PTPN4: variants seen among roughly 807,000 people sequenced by gnomAD.
PTPN4 encodes the protein tyrosine-protein phosphatase non-receptor type 4.
In PTPN4, 49 loss-of-function variants were observed where a neutral mutation model predicts 135.5. The ratio of observed to expected loss-of-function variants is 0.36; its 90% confidence interval spans 0.29 to 0.46. The LOEUF is 0.46. PTPN4 is among the 20% of genes least tolerant of loss of function. The pLI is 1.00. For missense variants in PTPN4, 860 were observed against 1,101.0 expected (o/e 0.78, Z 3.10); for synonymous variants, 333 against 369.9 (o/e 0.90, Z 1.14).
chr2:119,847,546 C>T (rs895676193), intron 2 of PTPN4, among the ~76,000 whole-genome samples: 4 of 151,882 alleles, frequency 2.6e-5, no homozygotes, highest in South Asian at 4.2e-4. Flanking sequence ...AGGCTGGTCT[C>T]GAACTCCTGA....
At chr2:119,796,024 G>A (rs1326902570) in intron 1 of PTPN4, among the ~76,000 whole-genome samples, 1 of 152,214 alleles carries the variant, frequency 6.6e-6, no homozygotes, top group Non-Finnish European at 1.5e-5. Context: ...GCGGGCCCCT[G>A]AGATGCAGTG....
intron 1 of PTPN4, among the ~76,000 whole-genome samples, chr2:119,803,292 G>C (rs887872983): frequency 1.3e-5 from 2 of 152,044 alleles, no homozygotes; most frequent in Non-Finnish European, 2.9e-5. Flanking sequence ...GACATTTCCT[G>C]TTTTCTATTG....
chr2:119,845,365 T>C (rs1677481241), intron 2 of PTPN4, among the ~76,000 whole-genome samples: 1 of 152,064 alleles, frequency 6.6e-6, no homozygotes, highest in African/African-American at 2.4e-5. Context: ...ATCTGATTTT[T>C]TCTTTATGAA....
Position 119,977,085 on chromosome 2 carries a change from CT to C in PTPN4, c.*16del, listed in dbSNP as rs1279925296. The C allele has an allele frequency of 4.4e-6, 7 of 1,587,146 alleles. No individual in the cohort carries two copies. Among genetic ancestry groups the C allele is most frequent in the Non-Finnish European group, 6.0e-6 (7 of 1,171,698 alleles). The stretch of plus-strand genomic sequence containing the variant: ...CAAATAAATAAGAAAGCAAAAAGAT[CT>C]GGGATATGTGTTGGAAAACTGCTTT... On this transcript the variant is annotated 3_prime_UTR_variant, in exon 27 of 27. Coordinates refer to ENST00000263708, the MANE Select transcript of PTPN4 (RefSeq NM_002830.4).
chr2:119,924,539 T>C (rs1415953754), intron 12 of PTPN4, among the ~76,000 whole-genome samples: 3 of 152,068 alleles, frequency 2.0e-5, no homozygotes, highest in Non-Finnish European at 4.4e-5. Flanking sequence ...AGCCTATATA[T>C]AAAGAGAGAG....
At chr2:119,914,621 T>C (rs1678624787) in intron 10 of PTPN4, among the ~76,000 whole-genome samples, 1 of 152,162 alleles carries the variant, frequency 6.6e-6, no homozygotes, top group South Asian at 2.1e-4. Flanking sequence ...CAAATCTCTT[T>C]AGCCTTATTA....
intron 5 of PTPN4, among the ~76,000 whole-genome samples, chr2:119,878,910 G>A (rs184898152): frequency 1.4e-4 from 22 of 151,752 alleles, no homozygotes; most frequent in African/African-American, 2.2e-4. Flanking sequence ...TGGCTAACAC[G>A]GTGAAACCCC....
chr2:119,926,918 T>C (rs922819456), intron 13 of PTPN4, among the ~76,000 whole-genome samples: 2 of 152,136 alleles, frequency 1.3e-5, no homozygotes, highest in African/African-American at 4.8e-5. Context: ...AAATATTATG[T>C]TATTAATATA....
intron 1 of PTPN4, among the ~76,000 whole-genome samples, chr2:119,800,677 T>C (rs571053913): frequency 3.5e-4 from 53 of 152,316 alleles, no homozygotes; most frequent in Non-Finnish European, 7.2e-4. Flanking sequence ...TATGTTTTCT[T>C]CTAAAAGTTA....
chr2:119,804,344 T>C (rs1691428407), intron 1 of PTPN4, among the ~76,000 whole-genome samples: 1 of 152,130 alleles, frequency 6.6e-6, no homozygotes, highest in African/African-American at 2.4e-5. Context: ...GTTTGTTACA[T>C]AGGTATACAT....
Position 119,915,205 on chromosome 2 carries a change from A to C in PTPN4, c.791A>C (p.Lys264Thr). Residue 264 changes from lysine (K) to threonine (T), a missense_variant, in exon 11 of 27, where the codon AAG (lysine) becomes ACG (threonine). Coordinates refer to ENST00000263708, the MANE Select transcript of PTPN4 (RefSeq NM_002830.4). ...TTGAAGATTGTAAAAATTTCTTTTA[A>C]GTGCAAACAGTTTTTTATTCAACTT... ...PWLKIVKISFKCKQFFIQLRK... is the reference protein window; with the variant it reads ...PWLKIVKISFTCKQFFIQLRK... The C allele has an allele frequency of 2.6e-6, 4 of 1,540,892 alleles. No homozygotes were observed. The highest frequency in any genetic ancestry group is 3.5e-6 in the Non-Finnish European group (4 of 1,145,450).
chr2:119,850,614 A>G (rs1355645367), intron 2 of PTPN4, among the ~76,000 whole-genome samples: 1 of 152,220 alleles, frequency 6.6e-6, no homozygotes, highest in African/African-American at 2.4e-5. Context: ...CCAGGGCAGA[A>G]GAAGGAGGGA....
At chr2:119,794,146 C>T (rs1691209410) in intron 1 of PTPN4, among the ~76,000 whole-genome samples, 1 of 151,946 alleles carries the variant, frequency 6.6e-6, no homozygotes, top group Non-Finnish European at 1.5e-5. Context: ...CTGCACCTGG[C>T]CAGATTTTTT....
At chr2:119,928,837 C>T (rs975570527) in intron 13 of PTPN4, among the ~76,000 whole-genome samples, 1 of 152,082 alleles carries the variant, frequency 6.6e-6, no homozygotes, top group Non-Finnish European at 1.5e-5. Flanking sequence ...AGCATATCCT[C>T]ATACGAGTAC....
chr2:119,940,670 C>G (rs973589437), intron 15 of PTPN4, among the ~76,000 whole-genome samples: 1 of 151,964 alleles, frequency 6.6e-6, no homozygotes, highest in African/African-American at 2.4e-5. Context: ...CTATGTTGGC[C>G]AGGCTGGAAA....
chr2:119,842,651 TTTTC>T, intron 2 of PTPN4, among the ~76,000 whole-genome samples: 2 of 152,322 alleles, frequency 1.3e-5, no homozygotes, highest in East Asian at 3.9e-4. Flanking sequence ...TGTTTCGTTT[TTTTC>T]TTTTTCTTTT....
At chr2:119,845,840 T>A (rs1442576353) in intron 2 of PTPN4, among the ~76,000 whole-genome samples, 1 of 152,212 alleles carries the variant, frequency 6.6e-6, no homozygotes, top group African/African-American at 2.4e-5. Flanking sequence ...AGCTATAAAT[T>A]TTTCTCCAGT....
At chr2:119,932,658 T>C in intron 14 of PTPN4, 109 bp downstream of exon 14, 1 of 1,286,364 alleles carries the variant, frequency 7.8e-7, no homozygotes, top group East Asian at 2.4e-5. Flanking sequence ...TTGAATTCTT[T>C]TGGTGAAACA....
intron 2 of PTPN4, among the ~76,000 whole-genome samples, chr2:119,848,443 G>C (rs1677540078): frequency 6.6e-6 from 1 of 151,942 alleles, no homozygotes; most frequent in Non-Finnish European, 1.5e-5. Context: ...AGAGTGCTGG[G>C]ATTACAGGCG....
Sources: allele counts gnomAD v4.1 joint callset (sites outside exome capture counted in the v4.1 genomes callset), GRCh38; gene constraint gnomAD v4.1.1; transcripts MANE v1.5; gene names NCBI Gene and HGNC (gene_info 2026-07-23, HGNC 2026-07-21).